The following MAJIN variants were observed in gnomAD, a reference collection of about 807,000 sequenced individuals.
The protein encoded by MAJIN is membrane anchored junction protein, also known as membrane-anchored junction protein.
MAJIN carries 27 observed loss-of-function variants against 30.2 expected under a neutral mutation model. The observed-to-expected ratio is 0.89, with a 90% CI of 0.66 to 1.23. The LOEUF (loss-of-function observed/expected upper bound fraction) is 1.23, where lower values mean the gene tolerates loss of function less well. Among genes scored for constraint, MAJIN ranks in the 50% most tolerant of loss-of-function variants. The pLI is 0.00. For synonymous variants in MAJIN, 78 were observed against 91.6 expected, an observed-to-expected ratio of 0.85 and a Z score of 0.85; for missense variants, 253 against 260.3, an observed-to-expected ratio of 0.97 and a Z score of 0.19.
intron 9 of MAJIN, among the ~76,000 whole-genome samples, chr11:64,940,303 G>A (rs1048378798): frequency 1.3e-5 from 2 of 152,190 alleles, no homozygotes; most frequent in Non-Finnish European, 2.9e-5. Context: ...ACTCGGAAAT[G>A]TTTTGAAATA....
intron 8 of MAJIN, among the ~76,000 whole-genome samples, chr11:64,941,265 A>C (rs1450413496): frequency 3.3e-5 from 5 of 152,222 alleles, no homozygotes; most frequent in African/African-American, 4.8e-5. Flanking sequence ...TACTATTACC[A>C]AGGACAGAAC....
At chr11:64,956,967 A>G (rs376473135) in intron 3 of MAJIN, among the ~76,000 whole-genome samples, 1 of 151,848 alleles carries the variant, frequency 6.6e-6, no homozygotes, top group Non-Finnish European at 1.5e-5. Context: ...GGGTTTCACC[A>G]TGTTGGCCAG....
At chr11:64,954,965 A>C (rs1945609561) in intron 3 of MAJIN, among the ~76,000 whole-genome samples, 163 bp from the exon 4 acceptor site, 2 of 152,232 alleles carry the variant, frequency 1.3e-5, no homozygotes, top group African/African-American at 4.8e-5. Flanking sequence ...GTGATCACCT[A>C]GGTGGCGTGG....
intron 9 of MAJIN, 104 bp from the exon 10 acceptor site, chr11:64,939,871 C>G: frequency 1.0e-6 from 1 of 956,728 alleles, no homozygotes; most frequent in Non-Finnish European, 1.5e-6. Context: ...AGTCTCACGC[C>G]AAGAGTTCTT....
chr11:64,943,839 T>C (rs1410489034), intron 8 of MAJIN, among the ~76,000 whole-genome samples: 1 of 152,200 alleles, frequency 6.6e-6, no homozygotes, highest in East Asian at 1.9e-4. Context: ...TTGTATAAAG[T>C]GTCTTTGTTC....
At chr11:64,970,721 A>T (rs959139441) in intron 1 of MAJIN, among the ~76,000 whole-genome samples, 1 of 152,156 alleles carries the variant, frequency 6.6e-6, no homozygotes, top group African/African-American at 2.4e-5. Context: ...GATGTTCGGC[A>T]AAGTATACCT....
intron 8 of MAJIN, chr11:64,946,072 C>T: frequency 6.5e-7 from 1 of 1,526,852 alleles, no homozygotes; most frequent in African/African-American, 1.4e-5. Context: ...AGTACTAAGG[C>T]TCCATTTTAG....
At position 64,938,499 on chromosome 11, in the gene MAJIN, T is replaced by C; in HGVS notation, c.*76A>G. ...GAGGAGTCACTACAAGAGATGATCCTCTTTCCAGCGCTGCATTTGGAAGGC... is the reference window on the plus strand; with the variant it reads ...GAGGAGTCACTACAAGAGATGATCCCCTTTCCAGCGCTGCATTTGGAAGGC... On this transcript the variant is annotated 3_prime_UTR_variant, in exon 11 of 11. Transcript: ENST00000301896. 6.5e-7 allele frequency: 1 copy of C among 1,532,110 alleles called. No homozygotes were observed. Among genetic ancestry groups the C allele is most frequent in the African/African-American group, 1.4e-5 (1 of 73,072 alleles). The allele number at this position is 1,532,110 out of a possible 1,614,324, so 94.9% of individuals were successfully genotyped here.
chr11:64,970,928 C>T (rs1945890079), intron 1 of MAJIN, among the ~76,000 whole-genome samples: 1 of 152,112 alleles, frequency 6.6e-6, no homozygotes. Context: ...TTCATGGCAA[C>T]AGCTAGGCTG....
At chr11:64,960,544 A>G (rs1945706147) in intron 1 of MAJIN, among the ~76,000 whole-genome samples, 1 of 152,218 alleles carries the variant, frequency 6.6e-6, no homozygotes, top group Admixed American at 6.5e-5. Flanking sequence ...AAACTAAGGC[A>G]ATACAGATCC....
intron 1 of MAJIN, among the ~76,000 whole-genome samples, chr11:64,970,527 C>G (rs374558645): frequency 1.3e-5 from 2 of 150,962 alleles, no homozygotes; most frequent in South Asian, 4.2e-4. Context: ...CCACCACACC[C>G]GGCTGATCTT....
At chr11:64,940,835 CTTTTTTT>C (rs1168979344) in intron 8 of MAJIN, among the ~76,000 whole-genome samples, 189 bp from the exon 9 acceptor site, 2 of 88,564 alleles carry the variant, frequency 2.3e-5, no homozygotes, top group Admixed American at 1.6e-4. Flanking sequence ...TTTTTTCTTT[CTTTTTTT>C]TTTTTTTTTT....
At chr11:64,960,638 C>A (rs1024178385) in intron 1 of MAJIN, among the ~76,000 whole-genome samples, 1 of 152,202 alleles carries the variant, frequency 6.6e-6, no homozygotes, top group Non-Finnish European at 1.5e-5. Flanking sequence ...CATAAAATCA[C>A]TTTTTAAGCA....
chr11:64,954,742 T>C lies in MAJIN; in HGVS notation c.147+15A>G. ...AAGAGTAACTTTTCCAGAAGTCGTATGCTTCTTTCCCTACCTCCAGCTCCT... is the reference window on the plus strand; with the variant it reads ...AAGAGTAACTTTTCCAGAAGTCGTACGCTTCTTTCCCTACCTCCAGCTCCT... On this transcript the variant is annotated intron_variant, in intron 4 of 10. Coordinates refer to ENST00000301896, the MANE Select transcript of MAJIN (RefSeq NM_001037225.3). 2 of 1,612,688 alleles carry C rather than the reference T, an allele frequency of 1.2e-6. No individual in the cohort carries two copies. Among genetic ancestry groups the C allele is most frequent in the African/African-American group, 1.3e-5 (1 of 74,994 alleles).
rs963779531 is a variant in MAJIN, at chr11:64,961,776, CT to C, written c.-64-1642del. On this transcript the variant is annotated intron_variant, in intron 1 of 10. Transcript: ENST00000301896. ...CAGGCATGAGCCACTGCGCCTGGCTCTTTTTTTTTCTTTTCTTTTTTTTTTT... is the reference window on the plus strand; with the variant it reads ...CAGGCATGAGCCACTGCGCCTGGCTCTTTTTTTTCTTTTCTTTTTTTTTTT... 1.0e-4 allele frequency among the ~76,000 whole-genome samples: 15 copies of C among 147,224 alleles called. No individual in the cohort carries two copies. The South Asian group carries it at 1.5e-3, about 15-fold the overall frequency.
Position 64,947,444 on chromosome 11 carries a change from C to A in MAJIN, c.403G>T (p.Val135Leu). 2 of 1,613,992 alleles carry A rather than the reference C, an allele frequency of 1.2e-6. No homozygotes were observed. The highest frequency in any genetic ancestry group is 1.7e-6 in the Non-Finnish European group (2 of 1,180,032). Residue 135 changes from valine (V) to leucine (L), a missense_variant, in exon 8 of 11, where the codon GTA becomes TTA. Coordinates refer to ENST00000301896, the MANE Select transcript of MAJIN (RefSeq NM_001037225.3). The part of the protein sequence containing the change: ...LGLVPVEKKA[V>L]GAVMRKRKHM... ...TTTCGTTTCCTCATCACAGCTCCTA[C>A]TGCTTTCTTCTCAACTGGGACCTTC... is the stretch of plus-strand genomic sequence containing the variant.
Position 64,939,673 on chromosome 11 carries a change from AAAG to A in MAJIN, c.638_640del (p.Ser213del). On this transcript the variant is annotated inframe_deletion, in exon 10 of 11. Transcript: ENST00000301896. Reference sequence around the variant, plus strand: ...AGAAGCTGTCTTACCTTAGAAACCCAAAGAAGCCGGTGGCTGCTCGCTCCTTAG... The same window carrying A: ...AGAAGCTGTCTTACCTTAGAAACCCAAAGCCGGTGGCTGCTCGCTCCTTAG... The A allele has an allele frequency of 6.2e-7, 1 of 1,613,908 alleles. No individual in the cohort carries two copies. The highest frequency in any genetic ancestry group is 8.5e-7 in the Non-Finnish European group (1 of 1,179,876).
chr11:64,967,038 T>A (rs974404578), intron 1 of MAJIN, among the ~76,000 whole-genome samples: 2 of 151,252 alleles, frequency 1.3e-5, no homozygotes, highest in African/African-American at 2.4e-5. Flanking sequence ...TTTCAGAGGC[T>A]GAGGCAGGAC....
chr11:64,971,561 C>G (rs1035526634), intron 1 of MAJIN, among the ~76,000 whole-genome samples: 1 of 152,014 alleles, frequency 6.6e-6, no homozygotes, highest in African/African-American at 2.4e-5. Context: ...GCAGGGTCCC[C>G]GTACTGTGTG....
Sources: allele counts gnomAD v4.1 joint callset (sites outside exome capture counted in the v4.1 genomes callset), GRCh38; gene constraint gnomAD v4.1.1; transcripts MANE v1.5; gene names NCBI Gene and HGNC (gene_info 2026-07-23, HGNC 2026-07-21).